Variants in TRHDE observed in about 807,000 individuals in gnomAD.
The protein encoded by TRHDE is thyrotropin-releasing hormone-degrading ectoenzyme.
A neutral mutation model predicts 125.7 loss-of-function variants in TRHDE; 72 were observed. The ratio of observed to expected loss-of-function variants is 0.57; its 90% CI spans 0.47 to 0.70. TRHDE has a LOEUF of 0.70. Ranked by LOEUF, TRHDE falls within the 30% of genes least tolerant of loss-of-function variation. TRHDE has a pLI of 0.00. For missense variants in TRHDE, 1,110 were observed against 1,327.1 expected (o/e 0.84, Z 2.54); for synonymous variants, 509 against 509.1 (o/e 1.00, Z 0.00).
At chr12:72,221,788 A>G (rs963685355) in intron 2 of TRHDE, among the ~76,000 whole-genome samples, 5 of 152,182 alleles carry the variant, frequency 3.3e-5, no homozygotes, top group Admixed American at 6.5e-5. Context: ...CTACTAACTA[A>G]CTAATAGTGG....
At chr12:72,492,734 G>T (rs942473422) in intron 5 of TRHDE, among the ~76,000 whole-genome samples, 4 of 151,752 alleles carry the variant, frequency 2.6e-5, no homozygotes. Flanking sequence ...AATTCATGTG[G>T]TATTTTGTTT....
chr12:72,087,684 C>T (rs889212471), intron 1 of TRHDE, among the ~76,000 whole-genome samples: 13 of 151,846 alleles, frequency 8.6e-5, no homozygotes, highest in Admixed American at 1.3e-4. Flanking sequence ...TGTGCAGTGG[C>T]GGCAGTGGGT....
chr12:72,349,329 A>G (rs976982861), intron 2 of TRHDE, among the ~76,000 whole-genome samples: 3 of 152,032 alleles, frequency 2.0e-5, no homozygotes, highest in African/African-American at 7.2e-5. Context: ...AGACAAATAG[A>G]TGTTCTCTAT....
At chr12:72,205,730 C>T (rs1370377162) in intron 2 of TRHDE, among the ~76,000 whole-genome samples, 1 of 152,084 alleles carries the variant, frequency 6.6e-6, no homozygotes, top group African/African-American at 2.4e-5. Context: ...CATTGTATGT[C>T]CATACTATAT....
chr12:72,593,054 T>C (rs755435562), intron 12 of TRHDE, among the ~76,000 whole-genome samples: 1 of 152,172 alleles, frequency 6.6e-6, no homozygotes, highest in South Asian at 2.1e-4. Context: ...AGTGCTACAG[T>C]GATCAGCCAG....
intron 2 of TRHDE, among the ~76,000 whole-genome samples, chr12:72,241,759 T>A (rs1878486682): frequency 6.6e-6 from 1 of 152,190 alleles, no homozygotes; most frequent in Non-Finnish European, 1.5e-5. Context: ...TTTGTTGCCA[T>A]CAGCAATTTA....
chr12:72,663,994 G>C lies in TRHDE; in HGVS notation c.*799G>C, dbSNP rs149865937. 1.3e-5 allele frequency: 2 copies of C among 152,104 alleles called. No homozygotes were observed. Among genetic ancestry groups the C allele is most frequent in the South Asian group, 2.1e-4 (1 of 4,816 alleles). 9.4% of individuals were successfully genotyped at this position (152,104 alleles called of 1,614,324 possible). A position where few individuals can be genotyped will look rare whatever the true frequency, so the allele number is the denominator to read the frequency against. On this transcript the variant is annotated 3_prime_UTR_variant, in exon 19 of 19. Transcript: ENST00000261180. ...ATAAACTTAAGGACAGTTGCAAAAGGCTTCAAGGAATTTATCTCAACATTA... is the reference window on the plus strand; with the variant it reads ...ATAAACTTAAGGACAGTTGCAAAAGCCTTCAAGGAATTTATCTCAACATTA...
At chr12:72,649,187 A>G (rs1390473873) in intron 15 of TRHDE, among the ~76,000 whole-genome samples, 2 of 152,080 alleles carry the variant, frequency 1.3e-5, no homozygotes, top group Admixed American at 1.3e-4. Context: ...TATAATAAAG[A>G]CCAACATATA....
chr12:72,260,864 C>T (rs77821218), intron 2 of TRHDE, among the ~76,000 whole-genome samples: 2 of 152,144 alleles, frequency 1.3e-5, no homozygotes, highest in African/African-American at 2.4e-5. Context: ...GTTTCCTGCC[C>T]TGAAGAAACT....
intron 2 of TRHDE, among the ~76,000 whole-genome samples, chr12:72,299,891 A>G (rs544457986): frequency 6.6e-5 from 10 of 152,146 alleles, no homozygotes; most frequent in Non-Finnish European, 1.5e-4. Context: ...AGAACAGAGA[A>G]GAAGACCAAC....
rs978562728 is a variant in TRHDE, at chr12:72,576,675, A to T, written c.2321+1133A>T. ...CTTTTCTATTTAAAAAAATACTCTG[A>T]CTTTTGCCTCCCTTATTGCTACTAA... On this transcript the variant is annotated intron_variant, in intron 12 of 18. Transcript: ENST00000261180. 2.0e-5 allele frequency among the ~76,000 whole-genome samples: 3 copies of T among 152,102 alleles called. No homozygotes were observed. The South Asian group carries it at 6.2e-4, about 31-fold the overall frequency.
At position 72,349,770 on chromosome 12, in the gene TRHDE, G is replaced by A. The variant is rs143374069; in HGVS notation, c.1189-28225G>A. ...GTGCAGTAAAAAGAGCATGGACTTC[G>A]AAGTGAGAAAATCTGATTAGGTCTT... is the stretch of plus-strand genomic sequence containing the variant. On this transcript the variant is annotated intron_variant, in intron 2 of 18. Transcript: ENST00000261180. 2.4e-4 allele frequency among the ~76,000 whole-genome samples: 37 copies of A among 152,104 alleles called. 1 individual carries two copies. In the East Asian group the frequency reaches 4.9e-3, roughly 20 times the overall value.
intron 2 of TRHDE, among the ~76,000 whole-genome samples, chr12:72,211,082 A>G (rs866805961): frequency 1.3e-5 from 2 of 152,196 alleles, no homozygotes; most frequent in African/African-American, 2.4e-5. Flanking sequence ...AGGGAACTCA[A>G]TGAGTCAGGT....
intron 12 of TRHDE, among the ~76,000 whole-genome samples, chr12:72,579,533 C>T (rs984878982): frequency 2.0e-5 from 3 of 152,098 alleles, no homozygotes; most frequent in Non-Finnish European, 4.4e-5. Flanking sequence ...TTGTAGCATA[C>T]ACTTTACAGT....
chr12:72,579,808 T>A (rs1471004243), intron 12 of TRHDE, among the ~76,000 whole-genome samples: 2 of 152,184 alleles, frequency 1.3e-5, no homozygotes, highest in African/African-American at 2.4e-5. Flanking sequence ...CTTTAATAAG[T>A]GCCAATTATT....
intron 2 of TRHDE, among the ~76,000 whole-genome samples, chr12:72,162,681 C>G (rs961376238): frequency 7.2e-5 from 11 of 152,082 alleles, no homozygotes; most frequent in African/African-American, 2.2e-4. Flanking sequence ...TGCAATGGAG[C>G]TCTGAGTGAT....
chr12:72,364,009 C>A (rs1871236297), intron 2 of TRHDE, among the ~76,000 whole-genome samples: 1 of 152,048 alleles, frequency 6.6e-6, no homozygotes, highest in African/African-American at 2.4e-5. Flanking sequence ...CATGAGTGAA[C>A]TCCCATTCAC....
intron 2 of TRHDE, among the ~76,000 whole-genome samples, chr12:72,321,460 A>G (rs1869091237): frequency 1.3e-5 from 2 of 152,200 alleles, no homozygotes; most frequent in Non-Finnish European, 2.9e-5. Context: ...AAAACCAAAC[A>G]TGATATTTGA....
chr12:72,577,461 A>G (rs1871047515), intron 12 of TRHDE, among the ~76,000 whole-genome samples: 1 of 152,148 alleles, frequency 6.6e-6, no homozygotes, highest in African/African-American at 2.4e-5. Context: ...TCTGCCATTA[A>G]CCAGAGCGCT....
Sources: gnomAD v4.1 joint callset for allele counts (sites outside exome capture counted in the v4.1 genomes callset) on GRCh38, gnomAD v4.1.1 for gene constraint, MANE v1.5 for transcripts, NCBI Gene and HGNC (gene_info 2026-07-23, HGNC 2026-07-21) for gene names.